Variants in ADARB2 observed in about 807,000 individuals in gnomAD.
The protein encoded by ADARB2 is inactive double-stranded RNA-specific editase B2.
In ADARB2, 25 loss-of-function variants were observed where a neutral mutation model predicts 62.2. The observed-to-expected ratio is 0.40, with a 90% CI of 0.29 to 0.56. The LOEUF is 0.56. Among genes scored for constraint, ADARB2 ranks in the 20% least tolerant of loss-of-function variants. The pLI is 0.43. For synonymous variants in ADARB2, 572 were observed against 500.8 expected, an observed-to-expected ratio of 1.14 and a Z score of -1.90; for missense variants, 1,071 against 1,077.4, an observed-to-expected ratio of 0.99 and a Z score of 0.08.
At chr10:1,228,983 A>G (rs1014035820) in intron 6 of ADARB2, among the ~76,000 whole-genome samples, 6 of 152,194 alleles carry the variant, frequency 3.9e-5, no homozygotes, top group Non-Finnish European at 8.8e-5. Flanking sequence ...TCTGCCCCGA[A>G]TGCATCAGAA....
chr10:1,554,094 C>T (rs918322279), intron 1 of ADARB2, among the ~76,000 whole-genome samples: 8 of 152,210 alleles, frequency 5.3e-5, no homozygotes, highest in Admixed American at 3.3e-4. Flanking sequence ...TCTGAGTCCC[C>T]CTGGGTCCCC....
intron 1 of ADARB2, among the ~76,000 whole-genome samples, chr10:1,655,203 G>T (rs1834159089): frequency 6.6e-6 from 1 of 152,210 alleles, no homozygotes; most frequent in African/African-American, 2.4e-5. Context: ...GAACCTGCCT[G>T]TGCTATGACA....
chr10:1,491,493 A>C (rs536306492), intron 1 of ADARB2, among the ~76,000 whole-genome samples: 14 of 152,368 alleles, frequency 9.2e-5, no homozygotes, highest in East Asian at 7.7e-4. Context: ...AAAAAAGCCC[A>C]TTCTTTGTTT....
chr10:1,703,629 C>T (rs754490682), intron 1 of ADARB2, among the ~76,000 whole-genome samples: 4 of 152,110 alleles, frequency 2.6e-5, no homozygotes, highest in African/African-American at 7.2e-5. Context: ...AGATTATTAG[C>T]TGTTTAGCAT....
In ADARB2 at chr10:1,477,658, C is replaced by T. The variant is rs1831419846; in HGVS notation, c.101-98498G>A. On this transcript the variant is annotated intron_variant, in intron 1 of 9. Coordinates refer to ENST00000381312, the MANE Select transcript of ADARB2 (RefSeq NM_018702.4). The surrounding 1 kb of genome is among the most constrained non-coding windows in gnomAD (Gnocchi z 4.5). ...ACATAGATAAAAATATGGGGACCAA[C>T]ATGAAGCGTCAGCCTGTGCGCCTCT... Among the ~76,000 whole-genome samples the T allele has an allele frequency of 6.6e-6, 1 of 152,192 alleles. No individual in the cohort carries two copies.
intron 1 of ADARB2, among the ~76,000 whole-genome samples, chr10:1,571,077 G>T (rs556952625): frequency 4.9e-4 from 74 of 152,240 alleles, no homozygotes; most frequent in African/African-American, 1.6e-3. Context: ...AATATCGAAT[G>T]ATGTGAAAGA....
intron 1 of ADARB2, among the ~76,000 whole-genome samples, chr10:1,634,459 G>A (rs1252641415): frequency 1.3e-5 from 2 of 152,182 alleles, no homozygotes; most frequent in East Asian, 1.9e-4. Context: ...CTGAGAGGAG[G>A]GGCGGCCGGC....
chr10:1,388,752 A>T (rs35057480), intron 1 of ADARB2, among the ~76,000 whole-genome samples: 41,535 of 152,116 alleles, frequency 0.27, 6,712 homozygotes, highest in Non-Finnish European at 0.36. Flanking sequence ...TGCCATTTTC[A>T]TAGAATCTAA....
In ADARB2 at chr10:1,662,017, T is replaced by C. The variant is rs146851043; in HGVS notation, c.100+75034A>G. Among the ~76,000 whole-genome samples, 561 of 152,266 alleles carry C rather than the reference T, an allele frequency of 3.7e-3. 2 individuals carry two copies. Among genetic ancestry groups the C allele is most frequent in the Non-Finnish European group, 6.7e-3 (457 of 68,016 alleles). On this transcript the variant is annotated intron_variant, in intron 1 of 9. Coordinates refer to ENST00000381312, the MANE Select transcript of ADARB2 (RefSeq NM_018702.4). ...CACTGCAGCTGCTCCTCTCAGGGCA[T>C]GTGCATTGAGCCCAGGAGTCCCCAG...
At chr10:1,401,671 CG>C (rs1832664560) in intron 1 of ADARB2, among the ~76,000 whole-genome samples, 1 of 152,208 alleles carries the variant, frequency 6.6e-6, no homozygotes, top group African/African-American at 2.4e-5. Flanking sequence ...CGAAGAGCGG[CG>C]GCTTCACGGC....
chr10:1,346,063 G>C (rs1371112035), intron 3 of ADARB2, among the ~76,000 whole-genome samples: 1 of 152,154 alleles, frequency 6.6e-6, no homozygotes, highest in Non-Finnish European at 1.5e-5. Context: ...TTTTTTTAAA[G>C]ACCCATTCAC....
intron 1 of ADARB2, among the ~76,000 whole-genome samples, chr10:1,734,373 A>G (rs1835274659): frequency 6.6e-6 from 1 of 151,996 alleles, no homozygotes; most frequent in Admixed American, 6.5e-5. Flanking sequence ...TTCTACAGAA[A>G]AAAATATCAT....
At chr10:1,556,193 A>G (rs752317299) in intron 1 of ADARB2, among the ~76,000 whole-genome samples, 1 of 151,808 alleles carries the variant, frequency 6.6e-6, no homozygotes, top group Non-Finnish European at 1.5e-5. Flanking sequence ...TCAGGGCTCC[A>G]TGGCTTCCTT....
At chr10:1,246,769 T>C (rs1380379306) in intron 4 of ADARB2, among the ~76,000 whole-genome samples, 1 of 149,322 alleles carries the variant, frequency 6.7e-6, no homozygotes, top group African/African-American at 2.5e-5. Flanking sequence ...AGTCAGGTAG[T>C]GTGATGCCTC....
chr10:1,245,003 C>A (rs1830970195), intron 4 of ADARB2, among the ~76,000 whole-genome samples: 1 of 152,128 alleles, frequency 6.6e-6, no homozygotes. Context: ...AGCTCTTCAC[C>A]AATAGACAAT....
At chr10:1,578,041 C>T (rs1833043841) in intron 1 of ADARB2, among the ~76,000 whole-genome samples, 1 of 152,212 alleles carries the variant, frequency 6.6e-6, no homozygotes, top group South Asian at 2.1e-4. Context: ...ACTGTGGAAG[C>T]AGGAAAGTCA....
At chr10:1,668,391 T>C (rs1052862361) in intron 1 of ADARB2, among the ~76,000 whole-genome samples, 1 of 152,184 alleles carries the variant, frequency 6.6e-6, no homozygotes, top group African/African-American at 2.4e-5. Flanking sequence ...GGCACTGACA[T>C]GTGTGCTGTT....
At chr10:1,607,520 T>G (rs956457551) in intron 1 of ADARB2, among the ~76,000 whole-genome samples, 2 of 152,056 alleles carry the variant, frequency 1.3e-5, no homozygotes, top group African/African-American at 4.8e-5. Context: ...GAAATGATGA[T>G]GACCACATCC....
intron 3 of ADARB2, among the ~76,000 whole-genome samples, chr10:1,277,676 G>C (rs982509914): frequency 5.9e-5 from 9 of 152,086 alleles, no homozygotes; most frequent in African/African-American, 1.2e-4. Context: ...ACCAGAGGTA[G>C]AAGGAGGAGC....
Sources: allele counts gnomAD v4.1 joint callset (sites outside exome capture counted in the v4.1 genomes callset), GRCh38; gene constraint gnomAD v4.1.1; non-coding constraint Gnocchi (gnomAD v3.1); transcripts MANE v1.5; gene names NCBI Gene and HGNC (gene_info 2026-07-23, HGNC 2026-07-21).